Variants in TMEM131 observed in about 807,000 individuals in gnomAD.
TMEM131 encodes 2610524E03Rik.
TMEM131 carries 66 observed loss-of-function variants against 211.6 expected under a neutral mutation model. The ratio of observed to expected loss-of-function variants is 0.31; its 90% CI spans 0.26 to 0.38. The LOEUF is 0.38. Among genes scored for constraint, TMEM131 ranks in the 10% least tolerant of loss-of-function variants. The pLI, the probability that TMEM131 is intolerant of heterozygous loss-of-function variation, is 1.00. For missense variants in TMEM131, 2,036 were observed against 2,299.3 expected, an observed-to-expected ratio of 0.89 and a Z score of 2.34; for synonymous variants, 844 against 841.3, an observed-to-expected ratio of 1.00 and a Z score of -0.06.
intron 11 of TMEM131, among the ~76,000 whole-genome samples, chr2:97,824,250 C>A (rs999954452): frequency 1.3e-5 from 2 of 152,254 alleles, no homozygotes; most frequent in African/African-American, 4.8e-5. Flanking sequence ...AAGCCCCCAA[C>A]CAGATAATCC....
intron 2 of TMEM131, among the ~76,000 whole-genome samples, chr2:97,920,331 C>A (rs1573558281): frequency 6.6e-6 from 1 of 152,118 alleles, no homozygotes; most frequent in East Asian, 1.9e-4. Flanking sequence ...AAGAAAAAAT[C>A]GTATCTAACC....
Position 97,792,958 on chromosome 2 carries a change from C to T in TMEM131, c.3572G>A (p.Gly1191Asp), listed in dbSNP as rs781209474. 13 of 1,597,480 alleles carry T rather than the reference C, an allele frequency of 8.1e-6. No homozygotes were observed. In the South Asian group the frequency reaches 1.3e-4, roughly 16 times the overall value. The change falls in exon 31 of 41, where the codon GGT becomes GAT. Residue 1191 changes from glycine (G) to aspartate (D), a missense_variant. By Grantham distance (94) the Gly-to-Asp change is moderately conservative (BLOSUM62 -1). Transcript: ENST00000186436. ...GNLNTLSCDP[G>D]HSRGFCGAGG... ...TGCTCCACAGAACCCCCTACTGTGA[C>T]CGGGGTCACAGCTGAGTGTGTTCAA... is the stretch of plus-strand genomic sequence containing the variant.
intron 4 of TMEM131, chr2:97,887,808 C>T: frequency 2.6e-6 from 1 of 384,020 alleles, no homozygotes; most frequent in Non-Finnish European, 4.6e-6. Context: ...TCCAAAGAGT[C>T]TCTGAACCAG....
At chr2:97,797,283 G>A in intron 26 of TMEM131, 82 bp downstream of exon 26, 1 of 1,279,218 alleles carries the variant, frequency 7.8e-7, no homozygotes, top group East Asian at 2.3e-5. Flanking sequence ...TCATAAGTTA[G>A]ACATGCAAAT....
chr2:97,781,520 C>T (rs537987195), intron 31 of TMEM131, among the ~76,000 whole-genome samples: 16 of 152,296 alleles, frequency 1.1e-4, no homozygotes, highest in Admixed American at 1.0e-3. Flanking sequence ...ACTTTCTGAT[C>T]CCATTTCAGT....
At chr2:97,759,183 ACCACAG>A (rs2104750125) in intron 39 of TMEM131, 130 bp from the exon 40 acceptor site, 1 of 1,148,426 alleles carries the variant, frequency 8.7e-7, no homozygotes, top group East Asian at 2.4e-5. Context: ...TCACCAGCCC[ACCACAG>A]CCCAGAGGAA....
Position 97,766,494 on chromosome 2 carries a change from A to G in TMEM131, c.4557T>C (p.Asn1519=). The G allele has an allele frequency of 1.2e-6, 2 of 1,613,978 alleles. No individual in the cohort carries two copies. Among genetic ancestry groups the G allele is most frequent in the South Asian group, 1.1e-5 (1 of 91,084 alleles). Residue 1519 remains asparagine, a synonymous_variant, in exon 34 of 41, where the codon AAT becomes AAC. Transcript: ENST00000186436. ...TAMTSGSKSR[N]AQKTKGTSKL... ...TGACAATACCTTTTGTTTTCTGGGC[A>G]TTTCGTGATTTGGATCCACTTGTCA...
intron 3 of TMEM131, among the ~76,000 whole-genome samples, chr2:97,901,165 G>C (rs979405172): frequency 2.0e-5 from 3 of 152,082 alleles, no homozygotes; most frequent in Non-Finnish European, 4.4e-5. Flanking sequence ...CAAAATACGG[G>C]AAACAAATGA....
chr2:97,822,702 C>G (rs1183559320), intron 11 of TMEM131, among the ~76,000 whole-genome samples: 1 of 152,112 alleles, frequency 6.6e-6, no homozygotes, highest in Non-Finnish European at 1.5e-5. Context: ...ACTAGTGTTT[C>G]TGCTGCTGCG....
chr2:97,926,909 G>GGA (rs1677014419), intron 2 of TMEM131, among the ~76,000 whole-genome samples: 1 of 152,138 alleles, frequency 6.6e-6, no homozygotes, highest in African/African-American at 2.4e-5. Context: ...GTCCTGATTT[G>GGA]TCTGCCATCC....
intron 1 of TMEM131, among the ~76,000 whole-genome samples, chr2:97,940,178 C>G (rs1312616985): frequency 1.3e-5 from 2 of 152,102 alleles, no homozygotes; most frequent in African/African-American, 4.8e-5. Flanking sequence ...GCCAAGCAAT[C>G]AGGCAGGAGA....
intron 33 of TMEM131, among the ~76,000 whole-genome samples, chr2:97,768,590 T>A (rs1030228219): frequency 6.6e-6 from 1 of 152,170 alleles, no homozygotes; most frequent in African/African-American, 2.4e-5. Context: ...CCAACTTAAT[T>A]GAAGCGATTC....
intron 1 of TMEM131, among the ~76,000 whole-genome samples, chr2:97,936,878 T>A (rs1264929382): frequency 6.6e-6 from 1 of 152,150 alleles, no homozygotes; most frequent in Non-Finnish European, 1.5e-5. Context: ...CTATATTAAA[T>A]ATATTCAAAG....
chr2:97,953,209 T>C (rs1678404934), intron 1 of TMEM131, among the ~76,000 whole-genome samples: 1 of 152,166 alleles, frequency 6.6e-6, no homozygotes, highest in Non-Finnish European at 1.5e-5. Context: ...TGTATGGAAA[T>C]GAAATAACTT....
chr2:97,817,688 T>G (rs1049236153), intron 12 of TMEM131, among the ~76,000 whole-genome samples: 1 of 152,210 alleles, frequency 6.6e-6, no homozygotes, highest in African/African-American at 2.4e-5. Context: ...CCCACCTCCG[T>G]AGCTGCTCCA....
chr2:97,985,397 G>A (rs1180827821), intron 1 of TMEM131, among the ~76,000 whole-genome samples: 1 of 151,590 alleles, frequency 6.6e-6, no homozygotes, highest in Non-Finnish European at 1.5e-5. Context: ...TTAGGAGAAA[G>A]ACAAACAAAA....
intron 11 of TMEM131, among the ~76,000 whole-genome samples, chr2:97,824,153 A>G (rs772701365): frequency 1.1e-4 from 17 of 152,356 alleles, no homozygotes; most frequent in South Asian, 1.0e-3. Context: ...CCAATGAAAA[A>G]TAAGCCACCC....
chr2:97,990,012 T>C (rs891972726), intron 1 of TMEM131, among the ~76,000 whole-genome samples: 2 of 152,208 alleles, frequency 1.3e-5, no homozygotes, highest in Non-Finnish European at 2.9e-5. Context: ...CCTTGCATTA[T>C]CTCCAGCTCC....
chr2:97,832,026 A>G (rs1014144303), intron 11 of TMEM131, among the ~76,000 whole-genome samples: 7 of 150,596 alleles, frequency 4.6e-5, no homozygotes, highest in Admixed American at 4.6e-4. Flanking sequence ...AAAAAAAAAA[A>G]GCAGCTCTAA....
Sources: gnomAD v4.1 joint callset for allele counts (sites outside exome capture counted in the v4.1 genomes callset) on GRCh38, gnomAD v4.1.1 for gene constraint, MANE v1.5 for transcripts, NCBI Gene and HGNC (gene_info 2026-07-23, HGNC 2026-07-21) for gene names.